DLGAP1: variants seen among roughly 807,000 people sequenced by gnomAD.
DLGAP1 encodes the protein disks large-associated protein 1.
DLGAP1 carries 11 observed loss-of-function variants against 90.8 expected under a neutral mutation model. The ratio of observed to expected loss-of-function variants is 0.12; its 90% CI spans 0.08 to 0.20. The LOEUF is 0.20. Among genes scored for constraint, DLGAP1 ranks in the 10% least tolerant of loss-of-function variants. The pLI is 1.00. For missense variants in DLGAP1, 1,050 were observed against 1,333.8 expected, an observed-to-expected ratio of 0.79 and a Z score of 3.31; for synonymous variants, 558 against 540.7, an observed-to-expected ratio of 1.03 and a Z score of -0.44.
At chr18:3,550,802 C>A (rs1245529655) in intron 9 of DLGAP1, among the ~76,000 whole-genome samples, 1 of 130,062 alleles carries the variant, frequency 7.7e-6, no homozygotes, top group African/African-American at 2.9e-5. Flanking sequence ...AGTGCAGTGG[C>A]TCAATCTCAG....
At position 4,454,325 on chromosome 18, in the gene DLGAP1, G is replaced by GCCCGC. The variant is rs1161400482; in HGVS notation, c.-267+676_-267+680dup. 6.6e-6 allele frequency among the ~76,000 whole-genome samples: 1 copy of GCCCGC among 152,182 alleles called. No homozygotes were observed. The highest frequency in any genetic ancestry group is 2.4e-5 in the African/African-American group (1 of 41,448). ...AATTCGCTGAATGTCGGGTCTCCCG[G>GCCCGC]CCCGCCCCGCGATTCTCCGGGAATT... On this transcript the variant is annotated intron_variant, in intron 1 of 12. Coordinates refer to ENST00000315677, the MANE Select transcript of DLGAP1 (RefSeq NM_004746.4). This position sits in a 1 kb window ranked among gnomAD's most constrained non-coding sequence, Gnocchi z 4.7.
At chr18:3,722,634 C>G (rs1347029857) in intron 7 of DLGAP1, 2 of 152,134 alleles carry the variant, frequency 1.3e-5, no homozygotes, top group South Asian at 2.1e-4. Context: ...CAGGCAATAT[C>G]TGAATATTTA....
chr18:3,832,055 T>C (rs2068058858), intron 4 of DLGAP1, among the ~76,000 whole-genome samples: 1 of 152,244 alleles, frequency 6.6e-6, no homozygotes, highest in African/African-American at 2.4e-5. Flanking sequence ...AACCTTTTGA[T>C]GGTAAAAACT....
At chr18:3,703,915 G>C (rs777429408) in intron 7 of DLGAP1, among the ~76,000 whole-genome samples, 1 of 152,070 alleles carries the variant, frequency 6.6e-6, no homozygotes, top group African/African-American at 2.4e-5. Flanking sequence ...TCCTCCCCAC[G>C]TTCCCCTTCA....
chr18:3,972,221 A>G (rs1057066599), intron 3 of DLGAP1, among the ~76,000 whole-genome samples: 1 of 152,250 alleles, frequency 6.6e-6, no homozygotes, highest in Non-Finnish European at 1.5e-5. Flanking sequence ...AAAAAAAATT[A>G]TATCACTAGG....
At chr18:3,833,935 T>A (rs552014957) in intron 4 of DLGAP1, among the ~76,000 whole-genome samples, 1 of 152,318 alleles carries the variant, frequency 6.6e-6, no homozygotes, top group East Asian at 1.9e-4. Context: ...AAGAAGTTGA[T>A]AATACAAATA....
At chr18:4,291,801 T>C (rs2079856136) in intron 1 of DLGAP1, among the ~76,000 whole-genome samples, 2 of 152,190 alleles carry the variant, frequency 1.3e-5, no homozygotes, top group South Asian at 4.1e-4. Context: ...TTAATGAATA[T>C]TGATAATCAT....
At chr18:4,425,571 A>G (rs965902204) in intron 1 of DLGAP1, among the ~76,000 whole-genome samples, 3 of 152,228 alleles carry the variant, frequency 2.0e-5, no homozygotes, top group African/African-American at 7.2e-5. Flanking sequence ...ATTGATTTCA[A>G]GAATGCAGAA....
chr18:3,781,828 T>C (rs2065206926), intron 5 of DLGAP1, among the ~76,000 whole-genome samples: 1 of 152,240 alleles, frequency 6.6e-6, no homozygotes, highest in South Asian at 2.1e-4. Flanking sequence ...TTTAAAAACA[T>C]ATTGCTGTTC....
At chr18:3,712,631 C>T (rs574796513) in intron 7 of DLGAP1, among the ~76,000 whole-genome samples, 1 of 152,274 alleles carries the variant, frequency 6.6e-6, no homozygotes, top group African/African-American at 2.4e-5. Context: ...CGTGAAATGG[C>T]AGTGGTGTCA....
At chr18:4,419,204 T>C (rs3844077) in intron 1 of DLGAP1, among the ~76,000 whole-genome samples, 44,072 of 152,062 alleles carry the variant, frequency 0.29, 6,881 homozygotes, top group East Asian at 0.36. Flanking sequence ...TTTAAAACCA[T>C]CAGATCTCGT....
At chr18:3,750,000 G>T (rs566163446) in intron 5 of DLGAP1, among the ~76,000 whole-genome samples, 2 of 152,156 alleles carry the variant, frequency 1.3e-5, no homozygotes, top group South Asian at 4.2e-4. Context: ...GGGGTTACAT[G>T]TGCAGGTTTG....
rs1568525733 is a variant in DLGAP1, at chr18:4,342,928, T to C, written c.-267+112078A>G. The stretch of plus-strand genomic sequence containing the variant: ...CTGAATATGAGAGATGAAGCCAAAA[T>C]TTTTGGCTTTATAAAGCTCACGGAT... On this transcript the variant is annotated intron_variant, in intron 1 of 12. Transcript: ENST00000315677. The surrounding 1 kb of genome is among the most constrained non-coding windows in gnomAD (Gnocchi z 5.8). Among the ~76,000 whole-genome samples, 1 of 152,116 alleles carries C rather than the reference T, an allele frequency of 6.6e-6. No homozygotes were observed. Among genetic ancestry groups the C allele is most frequent in the Non-Finnish European group, 1.5e-5 (1 of 68,010 alleles).
In DLGAP1 at chr18:3,517,948, C is replaced by T. The variant is rs1056605376; in HGVS notation, c.2480-9287G>A. Among the ~76,000 whole-genome samples, 2 of 152,166 alleles carry T rather than the reference C, an allele frequency of 1.3e-5. No homozygotes were observed. Among genetic ancestry groups the T allele is most frequent in the Non-Finnish European group, 2.9e-5 (2 of 68,026 alleles). On this transcript the variant is annotated intron_variant, in intron 10 of 12. Transcript: ENST00000315677. The surrounding 1 kb of genome is among the most constrained non-coding windows in gnomAD (Gnocchi z 4.1). ...ATCCATATCAACAAAAAGGCTGTTT[C>T]GCTTCCTTATCATTTGTATGTTCAC...
At chr18:3,870,875 G>A (rs1175321777) in intron 4 of DLGAP1, among the ~76,000 whole-genome samples, 7 of 152,024 alleles carry the variant, frequency 4.6e-5, no homozygotes. Context: ...CATGATCCAG[G>A]GAAAACTCAT....
intron 7 of DLGAP1, among the ~76,000 whole-genome samples, chr18:3,683,006 G>A (rs563987922): frequency 6.6e-6 from 1 of 152,050 alleles, no homozygotes; most frequent in Admixed American, 6.5e-5. Context: ...ACAGGCGCGT[G>A]CCCTCACGCC....
intron 1 of DLGAP1, among the ~76,000 whole-genome samples, chr18:4,445,506 T>C (rs1038768948): frequency 6.6e-5 from 9 of 135,386 alleles, no homozygotes; most frequent in African/African-American, 2.2e-4. Flanking sequence ...GTCCATGTGA[T>C]CTCAATGTTC....
At chr18:3,532,253 C>G (rs745813588) in intron 10 of DLGAP1, among the ~76,000 whole-genome samples, 18 of 152,216 alleles carry the variant, frequency 1.2e-4, no homozygotes, top group Middle Eastern at 3.4e-3. Context: ...GGGGACTCAT[C>G]ATGTTAAACT....
chr18:3,852,599 A>G (rs1213656237), intron 4 of DLGAP1, among the ~76,000 whole-genome samples: 2 of 152,218 alleles, frequency 1.3e-5, no homozygotes, highest in Non-Finnish European at 2.9e-5. Context: ...CAGTGTTTAA[A>G]TGATCCAACA....
Sources: allele counts gnomAD v4.1 joint callset (sites outside exome capture counted in the v4.1 genomes callset), GRCh38; gene constraint gnomAD v4.1.1; non-coding constraint Gnocchi (gnomAD v3.1); transcripts MANE v1.5; gene names NCBI Gene and HGNC (gene_info 2026-07-23, HGNC 2026-07-21).